NFIX: variants seen among roughly 807,000 people sequenced by gnomAD.
NFIX encodes the protein nuclear factor 1 X-type.
In NFIX, 2 loss-of-function variants were observed where a neutral mutation model predicts 53.3. The observed-to-expected ratio is 0.04, with a 90% CI of 0.02 to 0.12. The LOEUF (loss-of-function observed/expected upper bound fraction) is 0.12. NFIX is among the 10% of genes least tolerant of loss of function. The pLI is 1.00. For synonymous variants in NFIX, 244 were observed against 289.0 expected (o/e 0.84, Z 1.58); for missense variants, 310 against 674.5 (o/e 0.46, Z 5.99).
rs947278947 is a variant in NFIX at position 13,068,719 on chromosome 19, T to G, written c.560-4328T>G. 6.6e-6 allele frequency among the ~76,000 whole-genome samples: 1 copy of G among 152,250 alleles called. No homozygotes were observed. The highest frequency in any genetic ancestry group is 2.4e-5 in the African/African-American group (1 of 41,468). ...GGGCCCATGCGGAGGGAGTCCAGTC[T>G]TATTGCCTGCTCCTTCGTAGCCCTC... On this transcript the variant is annotated intron_variant, in intron 2 of 10. Coordinates refer to ENST00000592199, the MANE Select transcript of NFIX (RefSeq NM_001365902.3). This position sits in a 1 kb window ranked among gnomAD's most constrained non-coding sequence, Gnocchi z 4.2.
chr19:13,015,263 C>CT (rs1427324325), intron 1 of NFIX, among the ~76,000 whole-genome samples: 4 of 151,900 alleles, frequency 2.6e-5, no homozygotes, highest in African/African-American at 4.8e-5. Context: ...CTCTTTCCTG[C>CT]TTTTTTTAAA....
Position 13,088,175 on chromosome 19 carries a change from TC to T in NFIX, c.1402+43del, listed in dbSNP as rs1050130033. ...GAAACCGAAACCACAACGCCCAGCG[TC>T]CCCGGCCCGTCCAAACAGTCTCCAC... On this transcript the variant is annotated intron_variant, in intron 9 of 10. Coordinates refer to ENST00000592199, the MANE Select transcript of NFIX (RefSeq NM_001365902.3). The surrounding 1 kb of genome is among the most constrained non-coding windows in gnomAD (Gnocchi z 5.9). The T allele has an allele frequency of 6.5e-7, 1 of 1,534,432 alleles. No homozygotes were observed. Among genetic ancestry groups the T allele is most frequent in the African/African-American group, 1.4e-5 (1 of 72,986 alleles).
At chr19:13,047,785 A>G (rs1372206941) in intron 2 of NFIX, among the ~76,000 whole-genome samples, 4 of 152,146 alleles carry the variant, frequency 2.6e-5, no homozygotes, top group Admixed American at 2.0e-4. Context: ...CTGGCTTTCC[A>G]TCTGCAGTTG....
chr19:13,073,051 C>A lies in NFIX; in HGVS notation c.564C>A (p.Ser188=). The A allele has an allele frequency of 2.5e-6, 4 of 1,613,932 alleles. No homozygotes were observed. Among genetic ancestry groups the A allele is most frequent in the Non-Finnish European group, 3.4e-6 (4 of 1,179,860 alleles). The change falls in exon 3 of 11, where the codon TCC becomes TCA. Residue 188 remains serine, a synonymous_variant. Coordinates refer to ENST00000592199, the MANE Select transcript of NFIX (RefSeq NM_001365902.3). This position sits in a 1 kb window ranked among gnomAD's most constrained non-coding sequence, Gnocchi z 4.5. The part of the protein sequence containing the change: ...YLAYFVHTPE[S]GQSDSSNQQG... ...CCCCTTTTGTGTCTCCTGCAGAATC[C>A]GGACAATCAGATAGTTCAAACCAGC...
intron 2 of NFIX, among the ~76,000 whole-genome samples, chr19:13,058,864 C>G (rs1289943391): frequency 6.6e-6 from 1 of 152,030 alleles, no homozygotes; most frequent in East Asian, 1.9e-4. Flanking sequence ...AAGAGCTAGA[C>G]TGAGTGAATG....
At position 13,059,776 on chromosome 19, in the gene NFIX, TC is replaced by T. The variant is rs369772672; in HGVS notation, c.560-13270del. On this transcript the variant is annotated intron_variant, in intron 2 of 10. Coordinates refer to ENST00000592199, the MANE Select transcript of NFIX (RefSeq NM_001365902.3). ...TTTTCTAATTTGATTTAATTAGAATTCTTTTTTTTTTTTTTTTTTTTTTTTG... is the reference window on the plus strand; with the variant it reads ...TTTTCTAATTTGATTTAATTAGAATTTTTTTTTTTTTTTTTTTTTTTTTTG... Among the ~76,000 whole-genome samples the T allele has an allele frequency of 1.9e-3, 243 of 125,010 alleles. 1 individual carries two copies. The highest frequency in any genetic ancestry group is 6.1e-3 in the African/African-American group (173 of 28,592). 82.0% of individuals were successfully genotyped at this position (125,010 alleles called of 152,430 possible).
intron 2 of NFIX, among the ~76,000 whole-genome samples, chr19:13,059,110 A>G (rs1318012756): frequency 3.9e-5 from 6 of 152,176 alleles, no homozygotes; most frequent in Non-Finnish European, 8.8e-5. Flanking sequence ...CGGGATTTTC[A>G]CATGCACTCA....
chr19:13,019,537 C>T (rs549630578), intron 1 of NFIX, among the ~76,000 whole-genome samples: 51 of 152,136 alleles, frequency 3.4e-4, no homozygotes, highest in African/African-American at 1.2e-3. Flanking sequence ...GTGGGCCTAG[C>T]TTGGCACTCT....
chr19:13,081,313 T>C lies in NFIX; in HGVS notation c.1079-367T>C, dbSNP rs1039006210. 4.6e-5 allele frequency among the ~76,000 whole-genome samples: 7 copies of C among 152,014 alleles called. No homozygotes were observed. The highest frequency in any genetic ancestry group is 1.7e-4 in the African/African-American group (7 of 41,370). On this transcript the variant is annotated intron_variant, in intron 7 of 10. Transcript: ENST00000592199. The surrounding 1 kb of genome is among the most constrained non-coding windows in gnomAD (Gnocchi z 4.7). ...AGCGAGACCCTGTCTCAAATAATAA[T>C]AATAACACTTTTTTAAAAAGCCAAA...
rs904020636 is a variant in NFIX at position 13,072,968 on chromosome 19, G to A, written c.560-79G>A. 1.6e-5 allele frequency: 22 copies of A among 1,386,828 alleles called. No homozygotes were observed. In the African/African-American group the frequency reaches 3.0e-4, roughly 19 times the overall value. 85.9% of individuals were successfully genotyped at this position (1,386,828 alleles called of 1,614,324 possible). On this transcript the variant is annotated intron_variant, in intron 2 of 10. Coordinates refer to ENST00000592199, the MANE Select transcript of NFIX (RefSeq NM_001365902.3). The surrounding 1 kb of genome is among the most constrained non-coding windows in gnomAD (Gnocchi z 4.0). ...TGGGCCGTCCCTGCTCTTGCACCAG[G>A]CTGGAGGGGCCAATGCTTGGCTGGT...
rs936088840 is a variant in NFIX at position 13,088,857 on chromosome 19, T to TTC, written c.1402+722_1402+723insCT. Among the ~76,000 whole-genome samples the TTC allele has an allele frequency of 2.6e-5, 4 of 152,196 alleles. No individual in the cohort carries two copies. The highest frequency in any genetic ancestry group is 5.9e-5 in the Non-Finnish European group (4 of 68,036). On this transcript the variant is annotated intron_variant, in intron 9 of 10. Coordinates refer to ENST00000592199, the MANE Select transcript of NFIX (RefSeq NM_001365902.3). This position sits in a 1 kb window ranked among gnomAD's most constrained non-coding sequence, Gnocchi z 5.9. ...TCTCTTTCTTTTCTTTTCTTTTCTT[T>TTC]TTTTTTCCTCTTAAACCAATGACAA...
intron 2 of NFIX, among the ~76,000 whole-genome samples, chr19:13,047,315 A>G (rs2015052893): frequency 6.6e-6 from 1 of 151,462 alleles, no homozygotes; most frequent in Non-Finnish European, 1.5e-5. Flanking sequence ...TACCTATCCT[A>G]TGATTTGATT....
intron 2 of NFIX, among the ~76,000 whole-genome samples, chr19:13,039,467 C>A (rs990058467): frequency 5.9e-5 from 9 of 152,190 alleles, no homozygotes; most frequent in Admixed American, 5.9e-4. Context: ...TGCAGAAATG[C>A]CCCTGGTGAG....
chr19:13,064,869 A>T (rs1336902955), intron 2 of NFIX, among the ~76,000 whole-genome samples: 2 of 152,192 alleles, frequency 1.3e-5, no homozygotes, highest in African/African-American at 4.8e-5. Context: ...GGCGACATTT[A>T]TGTAGCCCCA....
At chr19:13,030,810 A>G (rs1169577003) in intron 2 of NFIX, among the ~76,000 whole-genome samples, 1 of 152,200 alleles carries the variant, frequency 6.6e-6, no homozygotes, top group African/African-American at 2.4e-5. Flanking sequence ...TTCCAGCTAC[A>G]TACTGTGCAG....
chr19:13,039,245 C>CACACGT lies in NFIX; in HGVS notation c.559+13693_559+13694insACACGT, dbSNP rs146029256. On this transcript the variant is annotated intron_variant, in intron 2 of 10. Coordinates refer to ENST00000592199, the MANE Select transcript of NFIX (RefSeq NM_001365902.3). ...ACCCCCCCCCACACACACACATACA[C>CACACGT]GTGTGTGTGTGTGTGTAGGGTCTGT... 3.3e-3 allele frequency among the ~76,000 whole-genome samples: 494 copies of CACACGT among 148,586 alleles called. 1 individual carries two copies. The highest frequency in any genetic ancestry group is 6.8e-3 in the South Asian group (32 of 4,700).
chr19:13,024,853 A>G, intron 1 of NFIX, 168 bp from the exon 2 acceptor site: 1 of 1,318,002 alleles, frequency 7.6e-7, no homozygotes, highest in Non-Finnish European at 1.0e-6. Flanking sequence ...ACTTTCGTAG[A>G]ACAATCGCAA....
Position 13,006,404 on chromosome 19 carries a change from T to G in NFIX, c.27+10540T>G, listed in dbSNP as rs548793225. ...ATTTCTTCAATCTGAGCTCATCTATTATCCATATTTGTGGATATGCCATAC... is the reference window on the plus strand; with the variant it reads ...ATTTCTTCAATCTGAGCTCATCTATGATCCATATTTGTGGATATGCCATAC... On this transcript the variant is annotated intron_variant, in intron 1 of 10. Coordinates refer to ENST00000592199, the MANE Select transcript of NFIX (RefSeq NM_001365902.3). This position sits in a 1 kb window ranked among gnomAD's most constrained non-coding sequence, Gnocchi z 5.6. 6.6e-6 allele frequency among the ~76,000 whole-genome samples: 1 copy of G among 152,258 alleles called. No homozygotes were observed. Among genetic ancestry groups the G allele is most frequent in the Non-Finnish European group, 1.5e-5 (1 of 68,042 alleles).
chr19:13,025,690 C>T lies in NFIX; in HGVS notation c.559+138C>T, dbSNP rs2013283455. ...TATGCCCGTCCTGCGGGGCCTGCAA[C>T]ACGGTTCTATGGGCCCTTTTCCTTT... On this transcript the variant is annotated intron_variant, in intron 2 of 10. Transcript: ENST00000592199. The surrounding 1 kb of genome is among the most constrained non-coding windows in gnomAD (Gnocchi z 7.5). The T allele has an allele frequency of 2.1e-6, 2 of 973,858 alleles. No homozygotes were observed. Among genetic ancestry groups the T allele is most frequent in the Admixed American group, 2.6e-5 (1 of 37,988 alleles). 60.3% of individuals were successfully genotyped at this position (973,858 alleles called of 1,614,324 possible).
Sources: gnomAD v4.1 joint callset for allele counts (sites outside exome capture counted in the v4.1 genomes callset) on GRCh38, gnomAD v4.1.1 for gene constraint, Gnocchi (gnomAD v3.1) non-coding constraint, MANE v1.5 for transcripts, NCBI Gene and HGNC (gene_info 2026-07-23, HGNC 2026-07-21) for gene names.